ALK: variants seen among roughly 807,000 people sequenced by gnomAD.
The protein encoded by ALK is ALK receptor tyrosine kinase.
A neutral mutation model predicts 163.1 loss-of-function variants in ALK; 74 were observed. That is an observed-to-expected ratio of 0.45 (90% CI 0.38 to 0.55). The LOEUF is 0.55. ALK is among the 20% of genes least tolerant of loss of function. The pLI is 0.00. For missense variants in ALK, 2,063 were observed against 2,105.3 expected (o/e 0.98, Z 0.39); for synonymous variants, 960 against 843.2 (o/e 1.14, Z -2.40).
intron 3 of ALK, among the ~76,000 whole-genome samples, chr2:29,657,686 G>T (rs1420331842): frequency 6.6e-6 from 1 of 151,966 alleles, no homozygotes; most frequent in Non-Finnish European, 1.5e-5. Context: ...GAATGTTTGG[G>T]GTGGACAGAA....
intron 5 of ALK, among the ~76,000 whole-genome samples, chr2:29,342,435 C>T (rs1667820445): frequency 6.6e-6 from 1 of 152,032 alleles, no homozygotes; most frequent in South Asian, 2.1e-4. Flanking sequence ...GTTACAGGGT[C>T]TGGGGAGAGG....
chr2:29,641,251 A>G (rs1438861420), intron 3 of ALK, among the ~76,000 whole-genome samples: 1 of 152,156 alleles, frequency 6.6e-6, no homozygotes, highest in East Asian at 1.9e-4. Context: ...AAAAAAGGAT[A>G]GGAAGGTGAC....
intron 4 of ALK, among the ~76,000 whole-genome samples, chr2:29,417,545 C>T (rs1217232166): frequency 6.6e-6 from 1 of 152,078 alleles, no homozygotes; most frequent in African/African-American, 2.4e-5. Flanking sequence ...TCACTTAGTT[C>T]CCCAGATAAA....
chr2:29,853,835 T>C (rs1262605605), intron 1 of ALK, among the ~76,000 whole-genome samples: 1 of 152,018 alleles, frequency 6.6e-6, no homozygotes, highest in Non-Finnish European at 1.5e-5. Context: ...TTCATTCAGA[T>C]TTGCCACGTC....
chr2:29,207,328 G>T (rs1669338562), intron 25 of ALK, 56 bp from the exon 26 acceptor site: 1 of 1,349,402 alleles, frequency 7.4e-7, no homozygotes. Flanking sequence ...TTAAGCATCT[G>T]CCCTGCTGGG....
chr2:29,587,227 T>A (rs576758066), intron 3 of ALK, among the ~76,000 whole-genome samples: 1 of 152,348 alleles, frequency 6.6e-6, no homozygotes, highest in African/African-American at 2.4e-5. Context: ...GTGCAGCAGA[T>A]CTGAGATTCC....
At chr2:29,496,767 C>T (rs1049839464) in intron 4 of ALK, among the ~76,000 whole-genome samples, 9 of 152,204 alleles carry the variant, frequency 5.9e-5, no homozygotes, top group African/African-American at 2.2e-4. Flanking sequence ...CAGTAGCCAC[C>T]ATGGCTCCCT....
intron 3 of ALK, among the ~76,000 whole-genome samples, chr2:29,615,051 T>A (rs1675802284): frequency 6.6e-6 from 1 of 152,144 alleles, no homozygotes; most frequent in Non-Finnish European, 1.5e-5. Context: ...ACTCCTGAAC[T>A]CAAGCAATCC....
chr2:29,858,991 T>A (rs562261169), intron 1 of ALK, among the ~76,000 whole-genome samples: 8 of 152,138 alleles, frequency 5.3e-5, no homozygotes, highest in African/African-American at 1.9e-4. Flanking sequence ...CAGGATTACA[T>A]CACTGCACTC....
intron 1 of ALK, among the ~76,000 whole-genome samples, chr2:29,825,756 A>G (rs779235685): frequency 2.0e-5 from 3 of 151,974 alleles, no homozygotes; most frequent in Non-Finnish European, 4.4e-5. Flanking sequence ...TCGACAGATG[A>G]AGGTAAAAGA....
At chr2:29,751,380 T>A (rs1680362635) in intron 1 of ALK, among the ~76,000 whole-genome samples, 2 of 152,218 alleles carry the variant, frequency 1.3e-5, no homozygotes, top group African/African-American at 4.8e-5. Flanking sequence ...AGCTTCCTTA[T>A]AAAGCTTATG....
At chr2:29,818,784 C>G (rs1664966576) in intron 1 of ALK, among the ~76,000 whole-genome samples, 1 of 152,222 alleles carries the variant, frequency 6.6e-6, no homozygotes, top group African/African-American at 2.4e-5. Context: ...GCAGAGATAT[C>G]ATTAGTAATA....
chr2:29,908,485 T>G (rs1667611029), intron 1 of ALK, among the ~76,000 whole-genome samples: 2 of 152,240 alleles, frequency 1.3e-5, no homozygotes, highest in African/African-American at 4.8e-5. Flanking sequence ...GACCCTATTC[T>G]CAAATTACCT....
chr2:29,380,653 C>T (rs1308332529), intron 5 of ALK, among the ~76,000 whole-genome samples: 5 of 152,066 alleles, frequency 3.3e-5, no homozygotes, highest in African/African-American at 4.8e-5. Context: ...AGGCTGGTCT[C>T]GAACTCCCGA....
rs1667331103 is a variant in ALK at position 29,328,207 on chromosome 2, G to A, written c.1414+143C>T. On this transcript the variant is annotated intron_variant, in intron 6 of 28. Transcript: ENST00000389048. Reference sequence around the variant, plus strand: ...ATCTTAGCTCTGCCTCTTGAAGACTGTGTGGCTTTGCCATGAGAGGAGTCA... The same window carrying A: ...ATCTTAGCTCTGCCTCTTGAAGACTATGTGGCTTTGCCATGAGAGGAGTCA... 5.1e-6 allele frequency: 6 copies of A among 1,171,110 alleles called. No homozygotes were observed. In the Admixed American group the frequency reaches 5.6e-5, roughly 11 times the overall value. 72.5% of individuals were successfully genotyped at this position (1,171,110 alleles called of 1,614,324 possible).
chr2:29,738,778 C>T (rs1178731348), intron 1 of ALK, among the ~76,000 whole-genome samples: 5 of 152,056 alleles, frequency 3.3e-5, no homozygotes, highest in African/African-American at 1.2e-4. Context: ...ATTTGCTCTA[C>T]TTGGTGATTT....
At chr2:29,371,053 G>A (rs904119141) in intron 5 of ALK, among the ~76,000 whole-genome samples, 2 of 152,236 alleles carry the variant, frequency 1.3e-5, no homozygotes, top group East Asian at 3.8e-4. Flanking sequence ...CCCAAATGCT[G>A]ATCATAGAAC....
intron 4 of ALK, among the ~76,000 whole-genome samples, chr2:29,410,495 A>G (rs984330089): frequency 2.0e-5 from 3 of 152,148 alleles, no homozygotes; most frequent in African/African-American, 7.2e-5. Flanking sequence ...CCTTGGGCAT[A>G]TGTCATCAGG....
intron 1 of ALK, among the ~76,000 whole-genome samples, chr2:29,769,911 G>A (rs1320143532): frequency 6.6e-6 from 1 of 152,202 alleles, no homozygotes; most frequent in African/African-American, 2.4e-5. Context: ...TAGTGTGGAG[G>A]CCTAGCAGCA....
Sources: allele counts gnomAD v4.1 joint callset (sites outside exome capture counted in the v4.1 genomes callset), GRCh38; gene constraint gnomAD v4.1.1; transcripts MANE v1.5; gene names NCBI Gene and HGNC (gene_info 2026-07-23, HGNC 2026-07-21).